The following DPYD variants were observed in gnomAD, a reference collection of about 807,000 sequenced individuals.
DPYD encodes dihydropyrimidine dehydrogenase, also known as dihydropyrimidine dehydrogenase [NADP(+)].
In DPYD, 109 loss-of-function variants were observed where a neutral mutation model predicts 116.2. The ratio of observed to expected loss-of-function variants is 0.94; its 90% CI spans 0.80 to 1.10. DPYD has a LOEUF of 1.10. Among genes scored for constraint, DPYD ranks in the 50% least tolerant of loss-of-function variants. The pLI is 0.00. For synonymous variants in DPYD, 440 were observed against 432.0 expected, an observed-to-expected ratio of 1.02 and a Z score of -0.23; for missense variants, 1,302 against 1,254.5, an observed-to-expected ratio of 1.04 and a Z score of -0.57.
intron 8 of DPYD, among the ~76,000 whole-genome samples, chr1:97,629,443 G>A (rs1657121276): frequency 6.6e-6 from 1 of 152,052 alleles, no homozygotes; most frequent in African/African-American, 2.4e-5. Flanking sequence ...CAGGCAGTTG[G>A]TGCATGAAGG....
At chr1:97,908,778 G>A (rs749656339) in intron 1 of DPYD, among the ~76,000 whole-genome samples, 2 of 152,000 alleles carry the variant, frequency 1.3e-5, no homozygotes, top group African/African-American at 4.8e-5. Flanking sequence ...TCCATGGAGC[G>A]TATCACTGGT....
rs553220234 is a variant in DPYD, at chr1:97,817,649, G to C, written c.233+10465C>G. On this transcript the variant is annotated intron_variant, in intron 3 of 22. Coordinates refer to ENST00000370192, the MANE Select transcript of DPYD (RefSeq NM_000110.4). ...ATTCTATTAGTCTTCTTTAGTTGTA[G>C]AAAATGACAAATATAATTACAAAAT... Among the ~76,000 whole-genome samples, 4 of 152,044 alleles carry C rather than the reference G, an allele frequency of 2.6e-5. No individual in the cohort carries two copies. In the East Asian group the frequency reaches 7.7e-4, roughly 29 times the overall value.
At chr1:97,845,167 G>C (rs1670230274) in intron 2 of DPYD, among the ~76,000 whole-genome samples, 1 of 152,210 alleles carries the variant, frequency 6.6e-6, no homozygotes, top group African/African-American at 2.4e-5. Flanking sequence ...CCCCAGTGAA[G>C]CCCCACCTTC....
chr1:97,376,848 C>T (rs1671649107), intron 15 of DPYD, among the ~76,000 whole-genome samples: 1 of 131,160 alleles, frequency 7.6e-6, no homozygotes, highest in Non-Finnish European at 1.7e-5. Flanking sequence ...CATCTATACA[C>T]AGTAGAAAGA....
chr1:97,898,807 A>C (rs993696557), intron 1 of DPYD, among the ~76,000 whole-genome samples: 2 of 151,898 alleles, frequency 1.3e-5, no homozygotes, highest in African/African-American at 4.8e-5. Context: ...GGTTTTCTAC[A>C]TGGTGGTTCC....
rs112428518 is a variant in DPYD, at chr1:97,433,388, C to T, written c.1905+16671G>A. 7.6e-3 allele frequency among the ~76,000 whole-genome samples: 1,161 copies of T among 152,272 alleles called. 15 individuals carry two copies. Among genetic ancestry groups the T allele is most frequent in the African/African-American group, 0.027 (1,113 of 41,550 alleles). ...AAAAACATTCATTAAAAGTTCTTTA[C>T]AATTTTAACTGGTGTCTCTACAGTG... On this transcript the variant is annotated intron_variant, in intron 14 of 22. Coordinates refer to ENST00000370192, the MANE Select transcript of DPYD (RefSeq NM_000110.4).
At chr1:97,106,908 G>A (rs1017941879) in intron 20 of DPYD, among the ~76,000 whole-genome samples, 1 of 152,122 alleles carries the variant, frequency 6.6e-6, no homozygotes, top group Non-Finnish European at 1.5e-5. Flanking sequence ...GCTGCATATA[G>A]ATATATGAGG....
chr1:97,714,596 T>A (rs938515989), intron 5 of DPYD, among the ~76,000 whole-genome samples: 4 of 147,018 alleles, frequency 2.7e-5, no homozygotes, highest in African/African-American at 1.0e-4. Context: ...CATTTTGTTA[T>A]CTGAAGCCCC....
intron 18 of DPYD, among the ~76,000 whole-genome samples, chr1:97,245,649 G>A (rs1423304769): frequency 6.6e-6 from 1 of 152,106 alleles, no homozygotes; most frequent in Non-Finnish European, 1.5e-5. Flanking sequence ...TAATGCCGAT[G>A]ACCGGAGTTT....
At chr1:97,147,366 A>G (rs1177354465) in intron 20 of DPYD, among the ~76,000 whole-genome samples, 3 of 146,576 alleles carry the variant, frequency 2.0e-5, no homozygotes, top group Admixed American at 1.4e-4. Context: ...ACAAACAAAC[A>G]AACGAACAAA....
intron 18 of DPYD, among the ~76,000 whole-genome samples, chr1:97,280,997 C>T (rs969954279): frequency 3.9e-5 from 6 of 152,030 alleles, no homozygotes; most frequent in African/African-American, 1.2e-4. Context: ...CTACACACCC[C>T]ATAAAAATAC....
At chr1:97,287,786 C>T (rs112668975) in intron 18 of DPYD, among the ~76,000 whole-genome samples, 2,314 of 152,144 alleles carry the variant, frequency 0.015, 40 homozygotes, top group Middle Eastern at 0.044. Flanking sequence ...GTCGGAAACT[C>T]TCAGTATTAG....
chr1:97,592,839 G>A (rs900363704), intron 10 of DPYD, among the ~76,000 whole-genome samples: 2 of 152,098 alleles, frequency 1.3e-5, no homozygotes, highest in Admixed American at 6.5e-5. Flanking sequence ...ATTGGCTTAC[G>A]GAAAATTCCG....
chr1:97,383,241 C>T (rs1672081550), intron 14 of DPYD, among the ~76,000 whole-genome samples: 1 of 152,040 alleles, frequency 6.6e-6, no homozygotes, highest in African/African-American at 2.4e-5. Context: ...CTTTGGGAGG[C>T]AGAGGCGGGT....
At chr1:97,487,436 G>A (rs1455728659) in intron 13 of DPYD, among the ~76,000 whole-genome samples, 1 of 152,172 alleles carries the variant, frequency 6.6e-6, no homozygotes, top group East Asian at 1.9e-4. Context: ...CACTTTGGGA[G>A]GCCAAGGCGG....
At position 97,315,160 on chromosome 1, in the gene DPYD, A is replaced by T. The variant is rs190844365; in HGVS notation, c.2059-8863T>A. On this transcript the variant is annotated intron_variant, in intron 16 of 22. Coordinates refer to ENST00000370192, the MANE Select transcript of DPYD (RefSeq NM_000110.4). Reference sequence around the variant, plus strand: ...GCAGAAGCAGGCAACTGCAACAGACACAGACATGAACCACTCGGATCTACC... The same window carrying T: ...GCAGAAGCAGGCAACTGCAACAGACTCAGACATGAACCACTCGGATCTACC... 3.3e-5 allele frequency among the ~76,000 whole-genome samples: 5 copies of T among 152,080 alleles called. No homozygotes were observed. The East Asian group carries it at 5.8e-4, about 18-fold the overall frequency.
chr1:97,877,317 G>A (rs1671973561), intron 2 of DPYD, among the ~76,000 whole-genome samples: 1 of 151,940 alleles, frequency 6.6e-6, no homozygotes, highest in African/African-American at 2.4e-5. Flanking sequence ...GCCCACACTT[G>A]CCACCAACCC....
rs567095208 is a variant in DPYD at position 97,841,395 on chromosome 1, C to A, written c.151-13199G>T. ...ATCCACAAGTGGCTTAACTTGTCAT[C>A]AAAAAATATACTTATCAAAATTTCT... On this transcript the variant is annotated intron_variant, in intron 2 of 22. Transcript: ENST00000370192. 1.9e-4 allele frequency among the ~76,000 whole-genome samples: 29 copies of A among 151,992 alleles called. No homozygotes were observed. The Middle Eastern group carries it at 0.02, about 107-fold the overall frequency.
At chr1:97,643,969 A>C (rs1033172602) in intron 8 of DPYD, among the ~76,000 whole-genome samples, 1 of 152,088 alleles carries the variant, frequency 6.6e-6, no homozygotes, top group Non-Finnish European at 1.5e-5. Flanking sequence ...GCATTAGGAG[A>C]AATACCTAAT....
Sources: allele counts gnomAD v4.1 joint callset (sites outside exome capture counted in the v4.1 genomes callset), GRCh38; gene constraint gnomAD v4.1.1; transcripts MANE v1.5; gene names NCBI Gene and HGNC (gene_info 2026-07-23, HGNC 2026-07-21).